GSE1: variants seen among roughly 807,000 people sequenced by gnomAD.
GSE1 encodes the protein genetic suppressor element 1.
GSE1 carries 32 observed loss-of-function variants against 112.6 expected under a neutral mutation model. The ratio of observed to expected loss-of-function variants is 0.28; its 90% CI spans 0.21 to 0.38. The LOEUF (loss-of-function observed/expected upper bound fraction) is 0.38. Ranked by LOEUF, GSE1 falls within the 10% of genes least tolerant of loss-of-function variation. The probability of loss-of-function intolerance (pLI) is 1.00; values close to 1 mark genes in which losing one functional copy is unlikely to be tolerated. For missense variants in GSE1, 2,348 were observed against 1,699.2 expected (o/e 1.38, Z -6.71); for synonymous variants, 1,115 against 735.6 (o/e 1.52, Z -8.35).
chr16:85,314,391 A>G (rs1054459224), intron 1 of GSE1, among the ~76,000 whole-genome samples: 1 of 152,134 alleles, frequency 6.6e-6, no homozygotes, highest in Non-Finnish European at 1.5e-5. Context: ...TGAAGCATGC[A>G]GGATGCCATG....
intron 1 of GSE1, among the ~76,000 whole-genome samples, chr16:85,344,602 C>T (rs2046695181): frequency 6.6e-6 from 1 of 152,266 alleles, no homozygotes; most frequent in Admixed American, 6.5e-5. Context: ...TGTCCCAGAG[C>T]TTCACAACAC....
rs370688164 is a variant in GSE1 at position 85,400,352 on chromosome 16, G to A, written c.2464+42709G>A. Among the ~76,000 whole-genome samples, 18 of 151,590 alleles carry A rather than the reference G, an allele frequency of 1.2e-4. No homozygotes were observed. In the East Asian group the frequency reaches 1.7e-3, roughly 15 times the overall value. On this transcript the variant is annotated intron_variant, in intron 2 of 2. Transcript: ENST00000637419. Reference sequence around the variant, plus strand: ...ATATGTCTGTGTGTGTCGTGTTTCTGTGTACTGTGTGTGCTTTCGTGTATG... The same window carrying A: ...ATATGTCTGTGTGTGTCGTGTTTCTATGTACTGTGTGTGCTTTCGTGTATG...
chr16:85,297,680 TC>T (rs1280640957), intron 1 of GSE1, among the ~76,000 whole-genome samples: 1 of 152,170 alleles, frequency 6.6e-6, no homozygotes, highest in African/African-American at 2.4e-5. Flanking sequence ...ATTTTCCTTT[TC>T]TTTTTTATCT....
intron 2 of GSE1, among the ~76,000 whole-genome samples, chr16:85,460,971 C>G (rs903452291): frequency 4.6e-5 from 7 of 152,176 alleles, no homozygotes; most frequent in African/African-American, 1.4e-4. Flanking sequence ...ACACAGGAAG[C>G]AATTGTAACA....
At position 85,419,448 on chromosome 16, in the gene GSE1, G is replaced by A. The variant is rs1189399175; in HGVS notation, c.2464+61805G>A. 6.6e-6 allele frequency among the ~76,000 whole-genome samples: 1 copy of A among 151,576 alleles called. No individual in the cohort carries two copies. Among genetic ancestry groups the A allele is most frequent in the African/African-American group, 2.4e-5 (1 of 41,252 alleles). On this transcript the variant is annotated intron_variant, in intron 2 of 2. Coordinates refer to the GSE1 transcript ENST00000637419. The surrounding 1 kb of genome is among the most constrained non-coding windows in gnomAD (Gnocchi z 6.5). Reference sequence around the variant, plus strand: ...AGCAACATAGTGAGACCCTGTCTACGAACAAAAGTTAGCCAGGCGTGGTGG... The same window carrying A: ...AGCAACATAGTGAGACCCTGTCTACAAACAAAAGTTAGCCAGGCGTGGTGG...
intron 1 of GSE1, among the ~76,000 whole-genome samples, chr16:85,631,630 G>A (rs2049547064): frequency 6.6e-6 from 1 of 152,248 alleles, no homozygotes; most frequent in African/African-American, 2.4e-5. Context: ...GTCCTCGCTG[G>A]CTGGCATGCT....
At chr16:85,313,082 A>C (rs145053691) in intron 1 of GSE1, among the ~76,000 whole-genome samples, 1 of 152,136 alleles carries the variant, frequency 6.6e-6, no homozygotes. Flanking sequence ...TCCAGTGCAC[A>C]CTCAGCCCTG....
intron 1 of GSE1, among the ~76,000 whole-genome samples, chr16:85,562,900 T>G (rs1293470596): frequency 6.6e-6 from 1 of 152,228 alleles, no homozygotes; most frequent in East Asian, 1.9e-4. Context: ...AGGCAGCCTC[T>G]CCATCAACCA....
chr16:85,612,124 C>CT (rs2048025061), upstream of GSE1, among the ~76,000 whole-genome samples: 1 of 151,682 alleles, frequency 6.6e-6, no homozygotes, highest in Non-Finnish European at 1.5e-5. Flanking sequence ...CAGAGCCGCC[C>CT]GGGGGGGTTA....
At chr16:85,403,115 G>C (rs2048157679) in intron 2 of GSE1, among the ~76,000 whole-genome samples, 1 of 152,120 alleles carries the variant, frequency 6.6e-6, no homozygotes, top group African/African-American at 2.4e-5. Context: ...GTTCCTCTGG[G>C]CCGTGGGATA....
chr16:85,206,229 G>A (rs1427480761), intron 1 of GSE1, among the ~76,000 whole-genome samples: 1 of 152,150 alleles, frequency 6.6e-6, no homozygotes, highest in Non-Finnish European at 1.5e-5. Context: ...GGGTGTGGTG[G>A]GAAGACCTGT....
chr16:85,553,817 G>C (rs2045059588), upstream of GSE1, among the ~76,000 whole-genome samples: 1 of 152,230 alleles, frequency 6.6e-6, no homozygotes, highest in South Asian at 2.1e-4. Flanking sequence ...GCCCTCCGTA[G>C]CTTTTCTCTA....
At chr16:85,349,007 A>G (rs943903189) in intron 1 of GSE1, among the ~76,000 whole-genome samples, 6 of 151,564 alleles carry the variant, frequency 4.0e-5, no homozygotes, top group African/African-American at 1.5e-4. Flanking sequence ...GAGCGGCCCT[A>G]ATTGCAGTCA....
At chr16:85,452,814 G>A (rs1035992733) in intron 2 of GSE1, among the ~76,000 whole-genome samples, 14 of 152,328 alleles carry the variant, frequency 9.2e-5, no homozygotes, top group Middle Eastern at 3.4e-3. Flanking sequence ...TCTCTCCCCC[G>A]TTCGTTCTGT....
chr16:85,204,620 G>A (rs929050407), intron 1 of GSE1, among the ~76,000 whole-genome samples: 2 of 152,228 alleles, frequency 1.3e-5, no homozygotes, highest in African/African-American at 2.4e-5. Context: ...ATCCTAGCAG[G>A]CGTGAAGTGG....
At chr16:85,556,994 T>C (rs1307837311) in intron 1 of GSE1, among the ~76,000 whole-genome samples, 1 of 152,066 alleles carries the variant, frequency 6.6e-6, no homozygotes, top group Non-Finnish European at 1.5e-5. Context: ...TGTAACTTTC[T>C]GTTTCGGGGC....
chr16:85,342,049 G>T (rs1462415938), intron 1 of GSE1, among the ~76,000 whole-genome samples: 1 of 152,012 alleles, frequency 6.6e-6, no homozygotes, highest in Non-Finnish European at 1.5e-5. Flanking sequence ...GTGAGCAGGT[G>T]GGATTGTGTC....
intron 1 of GSE1, among the ~76,000 whole-genome samples, chr16:85,624,295 C>T (rs527782823): frequency 1.3e-5 from 2 of 152,330 alleles, no homozygotes; most frequent in Admixed American, 1.3e-4. Flanking sequence ...AGGGCTCCCA[C>T]AGGAGCAGGT....
chr16:85,640,190 C>A (rs750725072), intron 2 of GSE1, among the ~76,000 whole-genome samples: 1 of 152,202 alleles, frequency 6.6e-6, no homozygotes, highest in African/African-American at 2.4e-5. Flanking sequence ...CCCGTTCCCA[C>A]CCCGCCTCCT....
Sources: allele counts gnomAD v4.1 joint callset (sites outside exome capture counted in the v4.1 genomes callset), GRCh38; gene constraint gnomAD v4.1.1; non-coding constraint Gnocchi (gnomAD v3.1); transcripts MANE v1.5; gene names NCBI Gene and HGNC (gene_info 2026-07-23, HGNC 2026-07-21).